The following DSCAM variants were observed in gnomAD, a reference collection of about 807,000 sequenced individuals.
The protein encoded by DSCAM is DS cell adhesion molecule.
DSCAM carries 47 observed loss-of-function variants against 217.7 expected under a neutral mutation model. The ratio of observed to expected loss-of-function variants is 0.22; its 90% CI spans 0.17 to 0.28. The LOEUF (loss-of-function observed/expected upper bound fraction) is 0.28. Among genes scored for constraint, DSCAM ranks in the 10% least tolerant of loss-of-function variants. The pLI is 1.00. For missense variants in DSCAM, 2,080 were observed against 2,618.3 expected (o/e 0.79, Z 4.49); for synonymous variants, 1,056 against 1,015.3 (o/e 1.04, Z -0.76).
intron 3 of DSCAM, among the ~76,000 whole-genome samples, chr21:40,429,964 C>G (rs191496705): frequency 6.6e-6 from 1 of 152,248 alleles, no homozygotes; most frequent in African/African-American, 2.4e-5. Context: ...AAGAAAAGAG[C>G]CTTCAGAGCA....
Position 40,142,654 on chromosome 21 carries a change from T to G in DSCAM, c.3310A>C (p.Ser1104Arg), listed in dbSNP as rs2090306827. 2 of 1,614,192 alleles carry G rather than the reference T, an allele frequency of 1.2e-6. No individual in the cohort carries two copies. The highest frequency in any genetic ancestry group is 4.5e-5 in the East Asian group (2 of 44,882). Residue 1104 changes from serine (S) to arginine (R), a missense_variant, in exon 18 of 33, where the codon AGC becomes CGC. This residue lies in a region of DSCAM where 1,144 missense variants were observed against 1,421.1 expected (regional missense o/e 0.81). Coordinates refer to ENST00000400454, the MANE Select transcript of DSCAM (RefSeq NM_001389.5). ...AGTGTGGACCAGGATATTGATATGC[T>G]TTCTGGTGATGTTGCTATGGCTTGG... ...NVQAIATSPESISISWSTLSK... is the reference protein window; with the variant it reads ...NVQAIATSPERISISWSTLSK...
At chr21:40,406,533 C>G (rs1222643162) in intron 3 of DSCAM, among the ~76,000 whole-genome samples, 1 of 152,166 alleles carries the variant, frequency 6.6e-6, no homozygotes, top group African/African-American at 2.4e-5. Context: ...CTAAGTGAAA[C>G]AAGCCAGGCA....
At chr21:40,747,733 C>A (rs1313596032) in intron 1 of DSCAM, among the ~76,000 whole-genome samples, 1 of 149,812 alleles carries the variant, frequency 6.7e-6, no homozygotes, top group Non-Finnish European at 1.5e-5. Flanking sequence ...CCAGCATTAC[C>A]CTGATCCAAA....
intron 29 of DSCAM, among the ~76,000 whole-genome samples, chr21:40,052,808 G>A (rs2088954095): frequency 1.3e-5 from 2 of 152,210 alleles, no homozygotes; most frequent in Admixed American, 1.3e-4. Flanking sequence ...TTGAAGGTGA[G>A]CGAGGCAGGA....
chr21:40,307,848 C>T (rs1415477526), intron 9 of DSCAM, among the ~76,000 whole-genome samples: 1 of 149,968 alleles, frequency 6.7e-6, no homozygotes, highest in Admixed American at 6.7e-5. Context: ...AAACCAAACA[C>T]TGCATATTCT....
intron 2 of DSCAM, among the ~76,000 whole-genome samples, chr21:40,704,121 A>G (rs1400041560): frequency 1.3e-5 from 2 of 152,176 alleles, no homozygotes; most frequent in African/African-American, 2.4e-5. Context: ...AGGTATCACC[A>G]TTACAGTATC....
chr21:40,413,893 A>G (rs193088550), intron 3 of DSCAM, among the ~76,000 whole-genome samples: 1 of 152,322 alleles, frequency 6.6e-6, no homozygotes, highest in African/African-American at 2.4e-5. Flanking sequence ...ATATGTGAAC[A>G]TACATAGGGG....
chr21:40,031,119 C>T (rs2088514878), intron 32 of DSCAM, among the ~76,000 whole-genome samples: 1 of 152,124 alleles, frequency 6.6e-6, no homozygotes, highest in Non-Finnish European at 1.5e-5. Flanking sequence ...TTAAAAGGCT[C>T]ACTGTTTTTC....
chr21:40,308,193 T>C (rs1194933114), intron 9 of DSCAM, among the ~76,000 whole-genome samples: 1 of 152,180 alleles, frequency 6.6e-6, no homozygotes, highest in African/African-American at 2.4e-5. Context: ...CGCTATGCTG[T>C]TGGGGGTCTG....
chr21:40,488,651 G>T (rs908699006), intron 3 of DSCAM, among the ~76,000 whole-genome samples: 4 of 152,152 alleles, frequency 2.6e-5, no homozygotes, highest in African/African-American at 9.7e-5. Context: ...GTTCCCTTGG[G>T]AATTACAGCC....
chr21:40,680,794 T>C (rs1431228673), intron 3 of DSCAM, among the ~76,000 whole-genome samples: 2 of 151,846 alleles, frequency 1.3e-5, no homozygotes, highest in African/African-American at 2.4e-5. Context: ...ACTTTGCAAA[T>C]AGAATTTAGT....
chr21:40,574,086 ATT>A (rs34505114), intron 3 of DSCAM, among the ~76,000 whole-genome samples: 2 of 150,680 alleles, frequency 1.3e-5, no homozygotes, highest in African/African-American at 2.4e-5. Context: ...ATCCTTCACA[ATT>A]TTTTTTTTAA....
At chr21:40,460,157 A>T (rs1206474689) in intron 3 of DSCAM, among the ~76,000 whole-genome samples, 9 of 152,168 alleles carry the variant, frequency 5.9e-5, no homozygotes, top group Non-Finnish European at 1.0e-4. Flanking sequence ...GCATCAGGAT[A>T]AATAGCTAAT....
At chr21:40,558,326 T>G (rs1369005962) in intron 3 of DSCAM, among the ~76,000 whole-genome samples, 1 of 151,994 alleles carries the variant, frequency 6.6e-6, no homozygotes, top group Admixed American at 6.6e-5. Flanking sequence ...CGGGCACCTG[T>G]AGTCCCAGCT....
chr21:40,616,342 C>G (rs145572296), intron 3 of DSCAM, among the ~76,000 whole-genome samples: 2 of 152,234 alleles, frequency 1.3e-5, no homozygotes, highest in African/African-American at 4.8e-5. Flanking sequence ...TTTGTACACC[C>G]GGGGTCCTGA....
intron 16 of DSCAM, among the ~76,000 whole-genome samples, chr21:40,152,173 A>T (rs1265335031): frequency 1.3e-5 from 2 of 152,194 alleles, no homozygotes; most frequent in East Asian, 3.8e-4. Context: ...CTCCTATTTA[A>T]GAACTCAATA....
intron 3 of DSCAM, among the ~76,000 whole-genome samples, chr21:40,467,589 A>C (rs1251163426): frequency 6.6e-6 from 1 of 152,150 alleles, no homozygotes; most frequent in Non-Finnish European, 1.5e-5. Context: ...AAGAATCAAC[A>C]CTTTTATACA....
chr21:40,057,873 CTTTTTTT>C (rs71186913), intron 28 of DSCAM, among the ~76,000 whole-genome samples: 7 of 107,232 alleles, frequency 6.5e-5, no homozygotes, highest in South Asian at 3.5e-4. Context: ...TCACTGCAGT[CTTTTTTT>C]TTTTTTTTTT....
intron 3 of DSCAM, among the ~76,000 whole-genome samples, chr21:40,614,842 C>A (rs2837751): frequency 0.43 from 65,493 of 152,072 alleles, 14,452 homozygotes; most frequent in East Asian, 0.55. Context: ...AACAGGATTA[C>A]ATGATATACA....
Sources: gnomAD v4.1 joint callset for allele counts (sites outside exome capture counted in the v4.1 genomes callset) on GRCh38, gnomAD v4.1.1 for gene constraint, gnomAD v4.1.1 regional missense constraint, MANE v1.5 for transcripts, NCBI Gene and HGNC (gene_info 2026-07-23, HGNC 2026-07-21) for gene names.